The following ATP11A variants were observed in gnomAD, a reference collection of about 807,000 sequenced individuals.
The protein encoded by ATP11A is ATPase phospholipid transporting 11A, also known as phospholipid-transporting ATPase IH.
A neutral mutation model predicts 154.4 loss-of-function variants in ATP11A; 81 were observed. The ratio of observed to expected loss-of-function variants is 0.52; its 90% CI spans 0.44 to 0.63. The LOEUF (loss-of-function observed/expected upper bound fraction) is 0.63. Among genes scored for constraint, ATP11A ranks in the 30% least tolerant of loss-of-function variants. ATP11A has a pLI of 0.00. For synonymous variants in ATP11A, 623 were observed against 585.9 expected (o/e 1.06, Z -0.91); for missense variants, 1,316 against 1,474.3 (o/e 0.89, Z 1.76).
chr13:112,863,408 C>T (rs71446664), intron 25 of ATP11A, among the ~76,000 whole-genome samples: 1 of 145,730 alleles, frequency 6.9e-6, no homozygotes, highest in Non-Finnish European at 1.5e-5. Flanking sequence ...TCACCACCTG[C>T]GCAGTAATTC....
In ATP11A at chr13:112,806,978, G is replaced by A. The variant is rs547982987; in HGVS notation, c.333+685G>A. Among the ~76,000 whole-genome samples the A allele has an allele frequency of 2.0e-5, 3 of 152,356 alleles. No individual in the cohort carries two copies. In the South Asian group the frequency reaches 6.2e-4, roughly 32 times the overall value. On this transcript the variant is annotated intron_variant, in intron 4 of 29. Coordinates refer to ENST00000375645, the MANE Select transcript of ATP11A (RefSeq NM_015205.3). The stretch of plus-strand genomic sequence containing the variant: ...CAGGCGTCAGCGCTTCATTCCGTCT[G>A]ATGAATGAGTCACGGTCCCCTGCAC...
intron 1 of ATP11A, among the ~76,000 whole-genome samples, chr13:112,739,948 G>T (rs756917733): frequency 2.9e-4 from 44 of 149,782 alleles, no homozygotes; most frequent in Middle Eastern, 3.4e-3. Context: ...ACAGAAAGTA[G>T]ATTAATGGTT....
intron 1 of ATP11A, among the ~76,000 whole-genome samples, chr13:112,704,274 C>A (rs750751872): frequency 6.6e-6 from 1 of 152,190 alleles, no homozygotes; most frequent in Non-Finnish European, 1.5e-5. Context: ...AGTTGTTGTA[C>A]GCACAACTCA....
At chr13:112,834,860 C>G (rs1046851988) in intron 15 of ATP11A, among the ~76,000 whole-genome samples, 200 bp downstream of exon 15, 1 of 152,258 alleles carries the variant, frequency 6.6e-6, no homozygotes, top group Admixed American at 6.5e-5. Flanking sequence ...TTGGGTGCAG[C>G]CACAGCGCTG....
At chr13:112,778,978 TG>T in intron 1 of ATP11A, among the ~76,000 whole-genome samples, 1 of 51,858 alleles carries the variant, frequency 1.9e-5, no homozygotes, top group Non-Finnish European at 4.1e-5. Context: ...GCCGCTGGAG[TG>T]AGGAGTAGCC....
At chr13:112,842,836 A>C (rs756004216) in intron 17 of ATP11A, among the ~76,000 whole-genome samples, 1 of 152,214 alleles carries the variant, frequency 6.6e-6, no homozygotes, top group Non-Finnish European at 1.5e-5. Flanking sequence ...CTTGTATGAT[A>C]AGGTTTCTTT....
At chr13:112,707,209 C>T (rs949458192) in intron 1 of ATP11A, among the ~76,000 whole-genome samples, 1 of 151,954 alleles carries the variant, frequency 6.6e-6, no homozygotes, top group African/African-American at 2.4e-5. Flanking sequence ...TGAGGTCAGG[C>T]GTTTGAGACC....
intron 24 of ATP11A, among the ~76,000 whole-genome samples, chr13:112,861,992 TCAGGCGTAAGGTGTCACAG>T (rs59396074): frequency 6.6e-6 from 1 of 150,580 alleles, no homozygotes; most frequent in East Asian, 2.0e-4. Context: ...AGGTGTCACG[TCAGGCGTAAGGTGTCACAG>T]CAGGCGTAAG....
At chr13:112,725,419 C>T (rs1365014079) in intron 1 of ATP11A, among the ~76,000 whole-genome samples, 1 of 152,172 alleles carries the variant, frequency 6.6e-6, no homozygotes, top group Non-Finnish European at 1.5e-5. Flanking sequence ...CCTCCTTCGC[C>T]CCCATCGCCT....
At chr13:112,824,549 G>A in intron 10 of ATP11A, 124 bp downstream of exon 10, 1 of 823,284 alleles carries the variant, frequency 1.2e-6, no homozygotes, top group Non-Finnish European at 2.0e-6. Context: ...CTTAGTAACT[G>A]CAGAGCTGAC....
rs757929937 is a variant in ATP11A at position 112,771,853 on chromosome 13, CAA to C, written c.40-13281_40-13280del. Among the ~76,000 whole-genome samples, 17 of 152,280 alleles carry C rather than the reference CAA, an allele frequency of 1.1e-4. No homozygotes were observed. The South Asian group carries it at 3.1e-3, about 28-fold the overall frequency. On this transcript the variant is annotated intron_variant, in intron 1 of 29. Transcript: ENST00000375645. ...CAACAAACAAAGTAACATTTAATAT[CAA>C]GAGAAAAAGGGAGATAGGAGGAAAC...
chr13:112,869,527 T>C (rs778831283), intron 25 of ATP11A, among the ~76,000 whole-genome samples: 3 of 152,230 alleles, frequency 2.0e-5, no homozygotes, highest in Non-Finnish European at 4.4e-5. Flanking sequence ...CACACACTGC[T>C]TCACAGGGCA....
intron 21 of ATP11A, 79 bp from the exon 22 acceptor site, chr13:112,858,066 A>G: frequency 1.3e-6 from 2 of 1,584,370 alleles, no homozygotes; most frequent in Non-Finnish European, 1.7e-6. Flanking sequence ...TGATGGTTTC[A>G]TCCGTTCTTC....
At chr13:112,742,591 G>A (rs1463613016) in intron 1 of ATP11A, among the ~76,000 whole-genome samples, 2 of 152,216 alleles carry the variant, frequency 1.3e-5, no homozygotes, top group African/African-American at 4.8e-5. Flanking sequence ...TGCCACTTAC[G>A]ATAATTCTGC....
At chr13:112,821,912 A>C (rs1179614137) in intron 8 of ATP11A, among the ~76,000 whole-genome samples, 6 of 152,220 alleles carry the variant, frequency 3.9e-5, no homozygotes, top group Non-Finnish European at 2.9e-5. Context: ...ACAGCCAGAC[A>C]ACCCATATGC....
chr13:112,766,470 A>G (rs532466855), intron 1 of ATP11A, among the ~76,000 whole-genome samples: 23 of 152,102 alleles, frequency 1.5e-4, no homozygotes, highest in Non-Finnish European at 5.9e-5. Context: ...TCTTTCCCAG[A>G]CTGTCCTCCC....
Position 112,710,458 on chromosome 13 carries a change from G to A in ATP11A, c.39+20003G>A, listed in dbSNP as rs549327183. ...AGCGCCCCAGGTTTTCCCTTCTCCT[G>A]TACCACTGCCCTGGAAGAGTTCTAC... On this transcript the variant is annotated intron_variant, in intron 1 of 29. Coordinates refer to ENST00000375645, the MANE Select transcript of ATP11A (RefSeq NM_015205.3). Among the ~76,000 whole-genome samples the A allele has an allele frequency of 2.9e-4, 44 of 152,214 alleles. 1 individual carries two copies. The highest frequency in any genetic ancestry group is 1.0e-3 in the African/African-American group (43 of 41,532).
intron 20 of ATP11A, 67 bp from the exon 21 acceptor site, chr13:112,857,751 T>C: frequency 7.9e-7 from 1 of 1,263,058 alleles, no homozygotes; most frequent in South Asian, 1.2e-5. Context: ...TATTTCTGCC[T>C]AGTGAATGAA....
chr13:112,828,969 G>A (rs1192454263), intron 12 of ATP11A, among the ~76,000 whole-genome samples: 1 of 152,234 alleles, frequency 6.6e-6, no homozygotes, highest in Admixed American at 6.5e-5. Context: ...CTGCCATGGA[G>A]ATCCTGTGCC....
Sources: allele counts gnomAD v4.1 joint callset (sites outside exome capture counted in the v4.1 genomes callset), GRCh38; gene constraint gnomAD v4.1.1; transcripts MANE v1.5; gene names NCBI Gene and HGNC (gene_info 2026-07-23, HGNC 2026-07-21).